CDC27: variants seen among roughly 807,000 people sequenced by gnomAD.
CDC27 encodes the protein cell division cycle protein 27 homolog.
In CDC27, 27 loss-of-function variants were observed where a neutral mutation model predicts 109.7. The ratio of observed to expected loss-of-function variants is 0.25; its 90% CI spans 0.18 to 0.34. CDC27 has a LOEUF of 0.34. Among genes scored for constraint, CDC27 ranks in the 10% least tolerant of loss-of-function variants. The probability of loss-of-function intolerance (pLI) is 1.00; values close to 1 mark genes in which losing one functional copy is unlikely to be tolerated. For missense variants in CDC27, 579 were observed against 960.2 expected (o/e 0.60, Z 5.25); for synonymous variants, 266 against 333.9 (o/e 0.80, Z 2.22).
chr17:47,182,855 G>A (rs1339338446), intron 1 of CDC27, among the ~76,000 whole-genome samples: 1 of 151,682 alleles, frequency 6.6e-6, no homozygotes. Context: ...TCATCTCCTG[G>A]GGTATATATT....
chr17:47,181,665 TATAC>T, intron 1 of CDC27, 28 bp from the exon 2 acceptor site: 1 of 1,292,010 alleles, frequency 7.7e-7, no homozygotes, highest in Non-Finnish European at 1.1e-6. Context: ...AGAACATAAA[TATAC>T]ATACATACAG....
At chr17:47,130,081 G>T (rs1259381247) in intron 15 of CDC27, among the ~76,000 whole-genome samples, 1 of 152,036 alleles carries the variant, frequency 6.6e-6, no homozygotes, top group Non-Finnish European at 1.5e-5. Flanking sequence ...GATTTTACTG[G>T]CCAGGTGCGG....
Position 47,122,542 on chromosome 17 carries a change from T to C in CDC27, c.2294A>G (p.Asp765Gly). The C allele has an allele frequency of 6.2e-7, 1 of 1,612,716 alleles. No individual in the cohort carries two copies. The highest frequency in any genetic ancestry group is 8.5e-7 in the Non-Finnish European group (1 of 1,179,188). ...LALMNFSWAM[D>G]LDPKGANNQI... ...GTTATTGGCTCCTTTAGGATCTAAA[T>C]CCATAGCCCAAGAGAAATTCATCAG... Residue 765 changes from aspartate (D) to glycine (G), a missense_variant, in exon 18 of 19, where the codon GAT becomes GGT. Physicochemically the swap from Asp to Gly is moderately conservative, Grantham distance 94 (BLOSUM62 -1). Transcript: ENST00000066544.
At chr17:47,143,100 G>A (rs1044559544) in intron 10 of CDC27, among the ~76,000 whole-genome samples, 6 of 152,020 alleles carry the variant, frequency 3.9e-5, no homozygotes, top group South Asian at 4.2e-4. Flanking sequence ...AGCCTCCCAA[G>A]CAGCTGGGAT....
At chr17:47,129,019 C>T (rs1410330363) in intron 16 of CDC27, among the ~76,000 whole-genome samples, 1 of 152,178 alleles carries the variant, frequency 6.6e-6, no homozygotes, top group African/African-American at 2.4e-5. Flanking sequence ...GATCCGCCCG[C>T]CTTGGTCTCC....
chr17:47,130,738 G>A (rs1297109782), intron 15 of CDC27, among the ~76,000 whole-genome samples: 1 of 151,992 alleles, frequency 6.6e-6, no homozygotes. Flanking sequence ...TTAGCCAGGC[G>A]TGGTGTCGGG....
chr17:47,165,229 G>A (rs1411540378), intron 4 of CDC27, among the ~76,000 whole-genome samples: 1 of 152,064 alleles, frequency 6.6e-6, no homozygotes, highest in African/African-American at 2.4e-5. Flanking sequence ...TGAATTTTGG[G>A]TTGTTTCCAG....
chr17:47,161,854 C>A (rs1438997829), intron 4 of CDC27: 1 of 136,780 alleles, frequency 7.3e-6, no homozygotes, highest in Admixed American at 7.3e-5. Context: ...TTTTTTTCTT[C>A]TTGTAGTTCC....
intron 2 of CDC27, among the ~76,000 whole-genome samples, chr17:47,174,360 G>T (rs1828863305): frequency 6.6e-6 from 1 of 152,192 alleles, no homozygotes; most frequent in African/African-American, 2.4e-5. Context: ...GAAATGCCAT[G>T]TTCAGAAAAC....
Position 47,141,935 on chromosome 17 carries a change from T to G in CDC27, c.1469A>C (p.His490Pro). The change falls in exon 12 of 19, where the codon CAT (histidine) becomes CCT (proline). Residue 490 changes from histidine (H) to proline (P), a missense_variant. His to Pro is a moderately conservative substitution (Grantham distance 77, BLOSUM62 -2). Transcript: ENST00000066544. Reference sequence around the variant, plus strand: ...AGTATTGTAGTGGTGAGAAGGTAGATGGCTCAAAATATTTATAGCTTCTTT... The same window carrying G: ...AGTATTGTAGTGGTGAGAAGGTAGAGGGCTCAAAATATTTATAGCTTCTTT... Reference protein sequence around the residue: ...NCKEAINILSHLPSHHYNTGW... With the variant: ...NCKEAINILSPLPSHHYNTGW... 1 of 1,607,690 alleles carries G rather than the reference T, an allele frequency of 6.2e-7. No individual in the cohort carries two copies.
intron 9 of CDC27, among the ~76,000 whole-genome samples, chr17:47,145,646 T>G (rs1460883558): frequency 6.6e-6 from 1 of 152,166 alleles, no homozygotes. Context: ...CTCACACATG[T>G]AATCCCAGCA....
intron 1 of CDC27, chr17:47,188,677 C>T (rs2064544376): frequency 1.2e-6 from 1 of 853,162 alleles, no homozygotes; most frequent in Admixed American, 6.2e-5. Flanking sequence ...ATTAAAAAGA[C>T]CGATCCTACG....
At chr17:47,127,405 T>G (rs2062176769) in intron 16 of CDC27, among the ~76,000 whole-genome samples, 1 of 152,082 alleles carries the variant, frequency 6.6e-6, no homozygotes, top group African/African-American at 2.4e-5. Context: ...TTAGCCTATT[T>G]TTACGTTTTT....
rs2062813084 is a variant in CDC27, at chr17:47,142,152, G to A, written c.1378+77C>T. The A allele has an allele frequency of 7.1e-6, 8 of 1,123,662 alleles. No homozygotes were observed. The Admixed American group carries it at 7.5e-5, about 11-fold the overall frequency. The allele number at this position is 1,123,662 out of a possible 1,614,324, so 69.6% of individuals were successfully genotyped here. A position where few individuals can be genotyped will look rare whatever the true frequency, so the allele number is the denominator to read the frequency against. Reference sequence around the variant, plus strand: ...CTATATAAAAAACAATGAAGGTACTGTAATGAACATAAAGAAATTTACTTA... The same window carrying A: ...CTATATAAAAAACAATGAAGGTACTATAATGAACATAAAGAAATTTACTTA... On this transcript the variant is annotated intron_variant, in intron 11 of 18. Coordinates refer to ENST00000066544, the MANE Select transcript of CDC27 (RefSeq NM_001256.6).
At chr17:47,168,867 T>C (rs1019300672) in intron 4 of CDC27, among the ~76,000 whole-genome samples, 2 of 152,000 alleles carry the variant, frequency 1.3e-5, no homozygotes, top group Non-Finnish European at 2.9e-5. Flanking sequence ...AAACAGATGC[T>C]ATCCTAGTTC....
intron 3 of CDC27, 97 bp downstream of exon 3, chr17:47,171,820 G>A: frequency 1.3e-6 from 1 of 749,320 alleles, no homozygotes; most frequent in Non-Finnish European, 2.1e-6. Flanking sequence ...TGGAAAACAG[G>A]GAAGAAAGGG....
chr17:47,188,948 A>G (rs1213443548), intron 1 of CDC27, 198 bp downstream of exon 1: 17 of 1,436,320 alleles, frequency 1.2e-5, no homozygotes, highest in African/African-American at 2.9e-5. Flanking sequence ...CTAAGGGTGA[A>G]GTAATGTAGG....
intron 14 of CDC27, among the ~76,000 whole-genome samples, chr17:47,135,452 G>T (rs968045191): frequency 6.7e-6 from 1 of 150,102 alleles, no homozygotes; most frequent in African/African-American, 2.5e-5. Context: ...ATGATGATGG[G>T]GAATAAGCAT....
chr17:47,175,080 AGG>A (rs2063953477), intron 2 of CDC27, among the ~76,000 whole-genome samples: 1 of 123,772 alleles, frequency 8.1e-6, no homozygotes, highest in Non-Finnish European at 1.7e-5. Context: ...GAAGGAAGGA[AGG>A]AAGGAAGGAA....
Sources: gnomAD v4.1 joint callset for allele counts (sites outside exome capture counted in the v4.1 genomes callset) on GRCh38, gnomAD v4.1.1 for gene constraint, MANE v1.5 for transcripts, NCBI Gene and HGNC (gene_info 2026-07-23, HGNC 2026-07-21) for gene names.